YEATS4: variants seen among roughly 807,000 people sequenced by gnomAD.
YEATS4 encodes YEATS domain-containing protein 4.
In YEATS4, 17 loss-of-function variants were observed where a neutral mutation model predicts 30.1. That is an observed-to-expected ratio of 0.56 (90% CI 0.39 to 0.85). YEATS4 has a LOEUF of 0.85. Among genes scored for constraint, YEATS4 ranks in the 40% least tolerant of loss-of-function variants. The probability of loss-of-function intolerance (pLI) is 0.00; values close to 1 mark genes in which losing one functional copy is unlikely to be tolerated. For missense variants in YEATS4, 142 were observed against 268.3 expected, an observed-to-expected ratio of 0.53 and a Z score of 3.29; for synonymous variants, 85 against 87.5, an observed-to-expected ratio of 0.97 and a Z score of 0.16.
chr12:69,388,049 T>TTTTTTA (rs1565682857), intron 6 of YEATS4, among the ~76,000 whole-genome samples: 2 of 144,982 alleles, frequency 1.4e-5, no homozygotes, highest in African/African-American at 5.4e-5. Flanking sequence ...AATTTTTTTA[T>TTTTTTA]TTTTTTTATT....
At chr12:69,419,363 G>T in the YEATS4 span, among the ~76,000 whole-genome samples, 1 of 151,780 alleles carries the variant, frequency 6.6e-6, no homozygotes, top group Non-Finnish European at 1.5e-5. Flanking sequence ...TGTGGCTACA[G>T]TTGTGCCCCA....
Position 69,363,010 on chromosome 12 carries a change from T to C in YEATS4, c.171+103T>C, listed in dbSNP as rs1875286988. 4 of 679,336 alleles carry C rather than the reference T, an allele frequency of 5.9e-6. No individual in the cohort carries two copies. The Admixed American group carries it at 1.3e-4, about 23-fold the overall frequency. The allele number at this position is 679,336 out of a possible 1,614,324, so 42.1% of individuals were successfully genotyped here. A position where few individuals can be genotyped will look rare whatever the true frequency, so the allele number is the denominator to read the frequency against. ...TTTTTTTTTTTTTTTTTTTTTTTTT[T>C]GAGATGGAGTCTTGCTCTGTCGCCC... On this transcript the variant is annotated intron_variant, in intron 2 of 6. Coordinates refer to ENST00000247843, the MANE Select transcript of YEATS4 (RefSeq NM_006530.4).
chr12:69,384,237 A>G (rs1052830770), intron 6 of YEATS4, among the ~76,000 whole-genome samples: 1 of 152,212 alleles, frequency 6.6e-6, no homozygotes, highest in African/African-American at 2.4e-5. Flanking sequence ...ATACCATGAA[A>G]TGTGCCCATT....
At chr12:69,409,225 T>C in the YEATS4 span, among the ~76,000 whole-genome samples, 1 of 152,232 alleles carries the variant, frequency 6.6e-6, no homozygotes, top group Non-Finnish European at 1.5e-5. Flanking sequence ...AAAGTAGTCA[T>C]AATCATACTT....
At chr12:69,425,527 C>G in the YEATS4 span, among the ~76,000 whole-genome samples, 5 of 152,188 alleles carry the variant, frequency 3.3e-5, no homozygotes, top group Non-Finnish European at 7.3e-5. Context: ...TGCGCCCACA[C>G]AGTGAGAGCT....
intron 6 of YEATS4, among the ~76,000 whole-genome samples, chr12:69,386,071 G>C (rs1328679300): frequency 6.6e-6 from 1 of 152,148 alleles, no homozygotes; most frequent in Non-Finnish European, 1.5e-5. Flanking sequence ...GCTTCATTGG[G>C]AAATTAAAAA....
At chr12:69,387,578 C>G (rs1003171029) in intron 6 of YEATS4, among the ~76,000 whole-genome samples, 2 of 152,196 alleles carry the variant, frequency 1.3e-5, no homozygotes, top group African/African-American at 4.8e-5. Context: ...TTTATCCATT[C>G]AATTAGGTCC....
intron 6 of YEATS4, among the ~76,000 whole-genome samples, chr12:69,375,481 C>T (rs1440345494): frequency 6.6e-6 from 1 of 151,956 alleles, no homozygotes; most frequent in African/African-American, 2.4e-5. Flanking sequence ...CAGAGACGCT[C>T]CTCACTTCCT....
chr12:69,390,296 G>T lies in YEATS4; in HGVS notation c.664G>T (p.Asp222Tyr). ...KNEIRKLEED[D>Y]QAKDI Reference sequence around the variant, plus strand: ...TGAAATCAGAAAACTTGAAGAAGATGACCAAGCAAAAGACATATAAACAGT... The same window carrying T: ...TGAAATCAGAAAACTTGAAGAAGATTACCAAGCAAAAGACATATAAACAGT... The change falls in exon 7 of 7, where the codon GAC becomes TAC. Residue 222 changes from aspartate (D) to tyrosine (Y), a missense_variant. Physicochemically the swap from Asp to Tyr is radical, Grantham distance 160. This residue lies in a region of YEATS4 where 53 missense variants were observed against 68.6 expected (regional missense o/e 0.77). Coordinates refer to ENST00000247843, the MANE Select transcript of YEATS4 (RefSeq NM_006530.4). 3.1e-6 allele frequency: 5 copies of T among 1,587,566 alleles called. No individual in the cohort carries two copies. The South Asian group carries it at 5.9e-5, about 19-fold the overall frequency.
chr12:69,387,707 GGAA>G (rs1001287101), intron 6 of YEATS4, among the ~76,000 whole-genome samples: 14 of 152,162 alleles, frequency 9.2e-5, no homozygotes, highest in Non-Finnish European at 1.8e-4. Context: ...ACTTGTGTTG[GGAA>G]GAAGAAGAAA....
the YEATS4 span, among the ~76,000 whole-genome samples, chr12:69,402,660 A>G: frequency 6.6e-6 from 1 of 152,038 alleles, no homozygotes; most frequent in Non-Finnish European, 1.5e-5. Flanking sequence ...GAAATTTTGA[A>G]TGCCATATAA....
chr12:69,416,283 A>G, the YEATS4 span, among the ~76,000 whole-genome samples: 2,039 of 152,300 alleles, frequency 0.013, 51 homozygotes, highest in African/African-American at 0.046. Flanking sequence ...AGGCTTTTCA[A>G]TCCTCTGATG....
chr12:69,378,558 A>G (rs1036565828), intron 6 of YEATS4, among the ~76,000 whole-genome samples: 5 of 152,058 alleles, frequency 3.3e-5, no homozygotes, highest in Non-Finnish European at 5.9e-5. Context: ...GTTTGAGCTT[A>G]CCATGAAGCT....
chr12:69,365,683 T>C lies in YEATS4; in HGVS notation c.222T>C (p.Tyr74=). 1 of 1,612,090 alleles carries C rather than the reference T, an allele frequency of 6.2e-7. No homozygotes were observed. ...KKIQFKLHES[Y]GNPLRVVTKP... ...TCCAGTTTAAATTACATGAAAGCTA[T>C]GGCAATCCTTTAAGAGGTACAATAT... Residue 74 remains tyrosine (Y), a synonymous_variant, in exon 3 of 7, where the codon TAT becomes TAC. Coordinates refer to ENST00000247843, the MANE Select transcript of YEATS4 (RefSeq NM_006530.4).
At chr12:69,399,497 T>C in the YEATS4 span, among the ~76,000 whole-genome samples, 3,546 of 152,268 alleles carry the variant, frequency 0.023, 144 homozygotes, top group African/African-American at 0.079. Context: ...CAATAGTAAG[T>C]GTTGATGAGG....
rs776728120 is a variant in YEATS4, at chr12:69,365,860, T to C, written c.309T>C (p.Phe103=). ...AATTCGAAATAATCATCAAAATATT[T>C]TTCATTGACCCTAATGAAAGACCTG... The part of the protein sequence containing the change: ...WGEFEIIIKI[F]FIDPNERPVT... The change falls in exon 4 of 7, where the codon TTT becomes TTC. Residue 103 remains phenylalanine (F), a synonymous_variant. Coordinates refer to ENST00000247843, the MANE Select transcript of YEATS4 (RefSeq NM_006530.4). 13 of 1,608,776 alleles carry C rather than the reference T, an allele frequency of 8.1e-6. No individual in the cohort carries two copies. In the Middle Eastern group the frequency reaches 5.0e-4, roughly 62 times the overall value.
chr12:69,380,126 T>C (rs1298738376), intron 6 of YEATS4, among the ~76,000 whole-genome samples: 1 of 152,214 alleles, frequency 6.6e-6, no homozygotes, highest in Non-Finnish European at 1.5e-5. Context: ...TGAGGTCATG[T>C]TTTCCTGGAT....
At chr12:69,391,063 G>A (rs954917016), downstream of YEATS4, among the ~76,000 whole-genome samples, 6 of 152,166 alleles carry the variant, frequency 3.9e-5, no homozygotes, top group Non-Finnish European at 8.8e-5. Flanking sequence ...GGAGTCCAAG[G>A]CAGGTGGATC....
downstream of YEATS4, among the ~76,000 whole-genome samples, chr12:69,391,894 A>T (rs1226033350): frequency 9.2e-5 from 14 of 152,224 alleles, no homozygotes; most frequent in Admixed American, 9.2e-4. Context: ...ATTGGTTCAT[A>T]AAACTAAAGT....
Sources: gnomAD v4.1 joint callset for allele counts (sites outside exome capture counted in the v4.1 genomes callset) on GRCh38, gnomAD v4.1.1 for gene constraint, gnomAD v4.1.1 regional missense constraint, MANE v1.5 for transcripts, NCBI Gene and HGNC (gene_info 2026-07-23, HGNC 2026-07-21) for gene names.